Variants in GRB2 observed in about 807,000 individuals in gnomAD.
The protein encoded by GRB2 is growth factor receptor-bound protein 2.
Under a neutral mutation model 27.4 loss-of-function variants are expected in GRB2, and 2 were observed. The ratio of observed to expected loss-of-function variants is 0.07; its 90% CI spans 0.03 to 0.23. GRB2 has a LOEUF of 0.23. Among genes scored for constraint, GRB2 ranks in the 10% least tolerant of loss-of-function variants. The pLI, the probability that GRB2 is intolerant of heterozygous loss-of-function variation, is 1.00. For synonymous variants in GRB2, 94 were observed against 99.6 expected, an observed-to-expected ratio of 0.94 and a Z score of 0.33; for missense variants, 102 against 282.4, an observed-to-expected ratio of 0.36 and a Z score of 4.58.
At chr17:75,391,496 G>A (rs2078997915) in intron 2 of GRB2, among the ~76,000 whole-genome samples, 1 of 152,090 alleles carries the variant, frequency 6.6e-6, no homozygotes, top group African/African-American at 2.4e-5. Flanking sequence ...CAGAAATCAG[G>A]GAAAGTTCTT....
intron 2 of GRB2, 87 bp from the exon 3 acceptor site, chr17:75,332,884 G>A (rs34535186): frequency 6.6e-5 from 56 of 844,356 alleles, no homozygotes; most frequent in Admixed American, 6.5e-4. Flanking sequence ...CTATCTTTTA[G>A]GTCTGTGAAC....
intron 2 of GRB2, among the ~76,000 whole-genome samples, chr17:75,350,724 C>T (rs1377672381): frequency 6.6e-6 from 1 of 152,262 alleles, no homozygotes; most frequent in African/African-American, 2.4e-5. Flanking sequence ...GATCTCCTGA[C>T]CTCGTGATCC....
At position 75,325,957 on chromosome 17, in the gene GRB2, A is replaced by G. The variant is rs1204767856; in HGVS notation, c.240T>C (p.Asp80=). 2 of 1,613,968 alleles carry G rather than the reference A, an allele frequency of 1.2e-6. No individual in the cohort carries two copies. Among genetic ancestry groups the G allele is most frequent in the Non-Finnish European group, 1.7e-6 (2 of 1,179,996 alleles). ...AEEMLSKQRH[D]GAFLIRESES... ...CACTCTCTCGGATAAGAAAGGCCCC[A>G]TCGTGCCGCTGTTTGCTAAGCATTT... is the stretch of plus-strand genomic sequence containing the variant. Residue 80 remains aspartate (D), a synonymous_variant, in exon 4 of 6, where the codon GAT becomes GAC. Coordinates refer to ENST00000316804, the MANE Select transcript of GRB2 (RefSeq NM_002086.5).
chr17:75,380,618 G>A (rs1029369129), intron 2 of GRB2, among the ~76,000 whole-genome samples: 1 of 152,204 alleles, frequency 6.6e-6, no homozygotes, highest in African/African-American at 2.4e-5. Context: ...CCAAGCATGA[G>A]TTAAGATGGA....
intron 2 of GRB2, among the ~76,000 whole-genome samples, chr17:75,350,742 T>C (rs2078686467): frequency 6.6e-6 from 1 of 152,184 alleles, no homozygotes; most frequent in African/African-American, 2.4e-5. Flanking sequence ...TCCGCCCACC[T>C]TGGCCTCCCA....
chr17:75,329,246 A>G (rs1012518891), intron 3 of GRB2, among the ~76,000 whole-genome samples: 1 of 152,002 alleles, frequency 6.6e-6, no homozygotes, highest in African/African-American at 2.4e-5. Flanking sequence ...AGATCTCTCC[A>G]CTAGGGAGGT....
At chr17:75,396,022 G>C (rs1324936471) in intron 1 of GRB2, among the ~76,000 whole-genome samples, 1 of 151,908 alleles carries the variant, frequency 6.6e-6, no homozygotes, top group Non-Finnish European at 1.5e-5. Context: ...ATTTTTAGTA[G>C]AGACGGGATT....
intron 2 of GRB2, among the ~76,000 whole-genome samples, chr17:75,364,323 T>C (rs2145850158): frequency 6.6e-6 from 1 of 152,312 alleles, no homozygotes; most frequent in Middle Eastern, 3.4e-3. Context: ...TGAGTTAGTC[T>C]CTCCTTTAGC....
At chr17:75,329,450 A>G (rs1598219118) in intron 3 of GRB2, among the ~76,000 whole-genome samples, 1 of 152,034 alleles carries the variant, frequency 6.6e-6, no homozygotes, top group South Asian at 2.1e-4. Context: ...TCTTGCCCCC[A>G]GCTTAAAATT....
intron 1 of GRB2, among the ~76,000 whole-genome samples, chr17:75,396,538 C>T (rs988856796): frequency 6.6e-6 from 1 of 152,078 alleles, no homozygotes; most frequent in African/African-American, 2.4e-5. Context: ...GCAAACTTTT[C>T]AAACAAGCTC....
intron 2 of GRB2, among the ~76,000 whole-genome samples, chr17:75,363,844 A>G (rs981311449): frequency 3.3e-5 from 4 of 122,722 alleles, no homozygotes; most frequent in Non-Finnish European, 6.4e-5. Flanking sequence ...TGGGCGACAG[A>G]GCAAGACTCC....
chr17:75,380,951 T>C (rs1438886349), intron 2 of GRB2, among the ~76,000 whole-genome samples: 2 of 152,218 alleles, frequency 1.3e-5, no homozygotes. Context: ...TATTATTATG[T>C]ATTCTGGTTA....
intron 2 of GRB2, among the ~76,000 whole-genome samples, chr17:75,387,059 G>A (rs2078968804): frequency 6.6e-6 from 1 of 151,936 alleles, no homozygotes; most frequent in African/African-American, 2.4e-5. Context: ...TAATCGGGAG[G>A]CTGAGGTAGG....
At chr17:75,389,799 C>A (rs1367621365) in intron 2 of GRB2, among the ~76,000 whole-genome samples, 3 of 151,968 alleles carry the variant, frequency 2.0e-5, no homozygotes, top group Non-Finnish European at 2.9e-5. Context: ...GAGCCGAGAT[C>A]GCGCCACTGC....
At chr17:75,347,006 C>G (rs927889989) in intron 2 of GRB2, among the ~76,000 whole-genome samples, 3 of 152,144 alleles carry the variant, frequency 2.0e-5, no homozygotes, top group African/African-American at 4.8e-5. Flanking sequence ...CCAGCTCCCA[C>G]CCTGAGAGTG....
intron 2 of GRB2, among the ~76,000 whole-genome samples, chr17:75,338,446 C>T (rs983832319): frequency 3.3e-5 from 5 of 152,218 alleles, no homozygotes; most frequent in Non-Finnish European, 7.3e-5. Context: ...TGCTTATTCA[C>T]TCCCTCTGCA....
chr17:75,389,617 C>T (rs1237923653), intron 2 of GRB2, among the ~76,000 whole-genome samples: 8 of 152,228 alleles, frequency 5.3e-5, no homozygotes, highest in South Asian at 2.1e-4. Flanking sequence ...GAGGCCGAGA[C>T]GGGCGGATCA....
At chr17:75,333,474 C>A (rs2078554860) in intron 2 of GRB2, among the ~76,000 whole-genome samples, 1 of 152,158 alleles carries the variant, frequency 6.6e-6, no homozygotes, top group South Asian at 2.1e-4. Flanking sequence ...CTGACGAAGA[C>A]AAAGTCTACT....
At chr17:75,347,924 T>G (rs1055557235) in intron 2 of GRB2, among the ~76,000 whole-genome samples, 2 of 152,228 alleles carry the variant, frequency 1.3e-5, no homozygotes, top group African/African-American at 4.8e-5. Flanking sequence ...TGGAATGCAT[T>G]AAGGACATGC....
Sources: allele counts gnomAD v4.1 joint callset (sites outside exome capture counted in the v4.1 genomes callset), GRCh38; gene constraint gnomAD v4.1.1; transcripts MANE v1.5; gene names NCBI Gene and HGNC (gene_info 2026-07-23, HGNC 2026-07-21).